Variants in ZNF69 observed in about 807,000 individuals in gnomAD.
ZNF69 encodes the protein ZNF3.
A neutral mutation model predicts 50.9 loss-of-function variants in ZNF69; 47 were observed. The observed-to-expected ratio is 0.92, with a 90% CI of 0.73 to 1.18. The LOEUF (loss-of-function observed/expected upper bound fraction) is 1.18. Ranked by LOEUF, ZNF69 falls within the 50% of genes most tolerant of loss-of-function variation. ZNF69 has a pLI of 0.00. For synonymous variants in ZNF69, 216 were observed against 223.1 expected (o/e 0.97, Z 0.29); for missense variants, 717 against 675.1 (o/e 1.06, Z -0.69).
chr19:11,890,752 G>A (rs749857626), intron 1 of ZNF69, among the ~76,000 whole-genome samples: 36 of 152,128 alleles, frequency 2.4e-4, no homozygotes, highest in Non-Finnish European at 3.7e-4. Flanking sequence ...GAGCCACCTC[G>A]CCAGGCCAGA....
chr19:11,947,225 A>G, the ZNF69 span: 1 of 1,614,036 alleles, frequency 6.2e-7, no homozygotes, highest in Non-Finnish European at 8.5e-7. Context: ...TCACCCAGGA[A>G]GAGTGGACAT....
chr19:11,909,508 T>C (rs1219973470), downstream of ZNF69, among the ~76,000 whole-genome samples: 1 of 152,194 alleles, frequency 6.6e-6, no homozygotes, highest in Admixed American at 6.6e-5. Context: ...GCAAGGCTGA[T>C]TCAACATATG....
exon 5 of ZNF69, chr19:11,913,429 C>A: frequency 5.4e-6 from 3 of 555,126 alleles, no homozygotes; most frequent in East Asian, 3.3e-5. Flanking sequence ...CACTCTGTCA[C>A]CCAGGCTGGA....
chr19:11,890,382 C>G (rs1977056205), intron 1 of ZNF69, among the ~76,000 whole-genome samples: 1 of 152,200 alleles, frequency 6.6e-6, no homozygotes, highest in Non-Finnish European at 1.5e-5. Context: ...AGCATACTGC[C>G]TACAAACATA....
chr19:11,904,946 AAG>A lies in ZNF69; in HGVS notation c.550_551del (p.Arg184GlyfsTer11). On this transcript the variant is annotated frameshift_variant, in exon 4 of 4. Coordinates refer to ENST00000429654, the MANE Select transcript of ZNF69 (RefSeq NM_001364730.1). LOFTEE classifies it high-confidence loss of function. ...ATCACCCCTCCTTTAGAACACCACAAAGGGATCACACTGGAGAGAAACCCTAT... is the reference window on the plus strand; with the variant it reads ...ATCACCCCTCCTTTAGAACACCACAAGGATCACACTGGAGAGAAACCCTAT... ...RYHPSFRTPQ[R>X]DHTGEKPYAC... is the part of the protein sequence containing the mutation. 1 of 1,614,204 alleles carries A rather than the reference AAG, an allele frequency of 6.2e-7. No individual in the cohort carries two copies. Among genetic ancestry groups the A allele is most frequent in the Non-Finnish European group, 8.5e-7 (1 of 1,180,022 alleles).
chr19:11,892,714 T>C (rs1977126229), intron 1 of ZNF69, among the ~76,000 whole-genome samples: 1 of 152,238 alleles, frequency 6.6e-6, no homozygotes. Context: ...AAGGCGAATC[T>C]GTAATCAGGG....
At position 11,905,247 on chromosome 19, in the gene ZNF69, G is replaced by A. The variant is rs1205782551; in HGVS notation, c.850G>A (p.Ala284Thr). ...TTATGAATGTCAGCAATGTGGGAAA[G>A]CATTTCATAGTCCCAGATGCTATCG... ...KPYECQQCGK[A>T]FHSPRCYRRH... The change falls in exon 4 of 4, where the codon GCA becomes ACA. Residue 284 changes from alanine to threonine, a missense_variant. Coordinates refer to ENST00000429654, the MANE Select transcript of ZNF69 (RefSeq NM_001364730.1). The A allele has an allele frequency of 1.2e-6, 2 of 1,614,006 alleles. No homozygotes were observed.
chr19:11,963,554 CCCT>C, the ZNF69 span, among the ~76,000 whole-genome samples: 2 of 152,120 alleles, frequency 1.3e-5, no homozygotes, highest in Non-Finnish European at 1.5e-5. Context: ...ACTCTCTTCC[CCCT>C]CCTCATCAAT....
chr19:11,965,636 T>C, the ZNF69 span, among the ~76,000 whole-genome samples: 1 of 152,020 alleles, frequency 6.6e-6, no homozygotes, highest in Non-Finnish European at 1.5e-5. Context: ...AATTAAAGAG[T>C]TCATTTGAGC....
At chr19:11,949,700 C>T in the ZNF69 span, 1 of 1,613,988 alleles carries the variant, frequency 6.2e-7, no homozygotes, top group South Asian at 1.1e-5. Context: ...AGGACTCACA[C>T]TGGAGAGAAA....
the ZNF69 span, chr19:11,977,565 A>G: frequency 1.5e-5 from 18 of 1,184,942 alleles, no homozygotes; most frequent in Admixed American, 2.5e-5. Context: ...TCAAAATCAT[A>G]TATTTACATG....
the ZNF69 span, chr19:11,956,709 A>C: frequency 5.1e-6 from 2 of 390,794 alleles, no homozygotes. Flanking sequence ...TACAAAAATT[A>C]GCCAGGTGTA....
chr19:11,928,290 C>T, the ZNF69 span, among the ~76,000 whole-genome samples: 1 of 152,182 alleles, frequency 6.6e-6, no homozygotes, highest in African/African-American at 2.4e-5. Flanking sequence ...CTGCACCTGG[C>T]TAACAACTTA....
At chr19:11,934,341 CTTA>C in the ZNF69 span, among the ~76,000 whole-genome samples, 1 of 147,644 alleles carries the variant, frequency 6.8e-6, no homozygotes, top group Non-Finnish European at 1.5e-5. Flanking sequence ...TAGGACCATG[CTTA>C]TTTTCTTCAG....
the ZNF69 span, among the ~76,000 whole-genome samples, chr19:11,920,096 A>G: frequency 1.3e-5 from 2 of 151,508 alleles, no homozygotes; most frequent in Non-Finnish European, 2.9e-5. Flanking sequence ...ACAAAAAAGG[A>G]ACTTTTACTT....
At chr19:11,968,926 T>G in the ZNF69 span, among the ~76,000 whole-genome samples, 1 of 152,104 alleles carries the variant, frequency 6.6e-6, no homozygotes, top group East Asian at 1.9e-4. Flanking sequence ...CCTTCAGTCA[T>G]TTACAACATT....
At chr19:11,915,241 T>C (rs2871611), downstream of ZNF69, among the ~76,000 whole-genome samples, 235 of 146,104 alleles carry the variant, frequency 1.6e-3, 1 homozygote, top group African/African-American at 5.1e-3. Flanking sequence ...GCACCTGAAT[T>C]CAACCCCTGC....
chr19:11,923,939 C>T, the ZNF69 span, among the ~76,000 whole-genome samples: 2 of 152,112 alleles, frequency 1.3e-5, no homozygotes, highest in Non-Finnish European at 2.9e-5. Flanking sequence ...CTACAAGTGG[C>T]CTCCAGCTGC....
the ZNF69 span, among the ~76,000 whole-genome samples, chr19:11,946,526 G>T: frequency 1.7e-3 from 253 of 152,130 alleles, 3 homozygotes; most frequent in African/African-American, 5.7e-3. Flanking sequence ...CACTGTGGGG[G>T]GTCTAAAACC....
Sources: gnomAD v4.1 joint callset for allele counts (sites outside exome capture counted in the v4.1 genomes callset) on GRCh38, gnomAD v4.1.1 for gene constraint, MANE v1.5 for transcripts, NCBI Gene and HGNC (gene_info 2026-07-23, HGNC 2026-07-21) for gene names.